The following ITGAM variants were observed in gnomAD, a reference collection of about 807,000 sequenced individuals.
ITGAM encodes the protein integrin alpha-M.
ITGAM carries 79 observed loss-of-function variants against 137.5 expected under a neutral mutation model. That is an observed-to-expected ratio of 0.57 (90% confidence interval 0.48 to 0.69). The LOEUF is 0.69. Among genes scored for constraint, ITGAM ranks in the 30% least tolerant of loss-of-function variants. The probability of loss-of-function intolerance (pLI) is 0.00; values close to 1 mark genes in which losing one functional copy is unlikely to be tolerated. For missense variants in ITGAM, 1,343 were observed against 1,483.5 expected, an observed-to-expected ratio of 0.91 and a Z score of 1.56; for synonymous variants, 583 against 592.3, an observed-to-expected ratio of 0.98 and a Z score of 0.23.
chr16:31,286,202 A>T (rs992764495), intron 12 of ITGAM, among the ~76,000 whole-genome samples: 2 of 151,804 alleles, frequency 1.3e-5, no homozygotes, highest in Non-Finnish European at 2.9e-5. Context: ...ATGGTGGCGT[A>T]GTATTTGATG....
chr16:31,275,026 C>T (rs1340411031), intron 8 of ITGAM, among the ~76,000 whole-genome samples: 1 of 152,098 alleles, frequency 6.6e-6, no homozygotes, highest in Non-Finnish European at 1.5e-5. Flanking sequence ...CAAGGGTGCT[C>T]TGTATACAAT....
At chr16:31,330,968 G>A (rs1430648137) in intron 28 of ITGAM, among the ~76,000 whole-genome samples, 197 bp from the exon 29 acceptor site, 7 of 151,712 alleles carry the variant, frequency 4.6e-5, no homozygotes, top group Admixed American at 4.6e-4. Flanking sequence ...GAGGCAGAAA[G>A]CGATAGAGAG....
At chr16:31,273,562 C>T in intron 8 of ITGAM, 44 bp downstream of exon 8, 1 of 1,587,700 alleles carries the variant, frequency 6.3e-7, no homozygotes, top group Non-Finnish European at 8.6e-7. Context: ...TGGAGGGTTT[C>T]TATGTGGATC....
rs548476788 is a variant in ITGAM, at chr16:31,265,894, C to G, written c.309+13C>G. On this transcript the variant is annotated intron_variant, in intron 4 of 29. Transcript: ENST00000544665. ...CCCTCAGCTGCTGGTGAGTGGGGCT[C>G]GATCAGAGGAGCATCCTAATGGGGG... is the stretch of plus-strand genomic sequence containing the variant. 1.2e-6 allele frequency: 2 copies of G among 1,612,708 alleles called. No individual in the cohort carries two copies. Among genetic ancestry groups the G allele is most frequent in the Admixed American group, 3.3e-5 (2 of 59,986 alleles).
chr16:31,273,545 G>A (rs768503975), intron 8 of ITGAM, 27 bp downstream of exon 8: 10 of 1,610,738 alleles, frequency 6.2e-6, no homozygotes, highest in Non-Finnish European at 7.6e-6. Flanking sequence ...TCAGGTTGAT[G>A]CTTCTGTGGA....
chr16:31,298,614 GC>G (rs1172124497), intron 14 of ITGAM, among the ~76,000 whole-genome samples: 6 of 152,166 alleles, frequency 3.9e-5, no homozygotes, highest in Non-Finnish European at 7.3e-5. Context: ...GCTCTAGTTT[GC>G]TTAACTCTGT....
chr16:31,276,544 C>T, intron 9 of ITGAM, 127 bp from the exon 10 acceptor site: 1 of 655,236 alleles, frequency 1.5e-6, no homozygotes, highest in Non-Finnish European at 2.7e-6. Context: ...GTTCACCAGA[C>T]TGGTCTCTAA....
At chr16:31,260,238 A>C in intron 1 of ITGAM, 146 bp downstream of exon 1, 1 of 658,268 alleles carries the variant, frequency 1.5e-6, no homozygotes, top group Non-Finnish European at 2.6e-6. Flanking sequence ...AAGAAGAAGC[A>C]GGGAGAACAG....
In ITGAM at chr16:31,324,520, C is replaced by T. The variant is rs200549619; in HGVS notation, c.2124C>T (p.Thr708=). Residue 708 remains threonine, a synonymous_variant, in exon 17 of 30, where the codon ACC becomes ACT. Transcript: ENST00000544665. The surrounding 1 kb of genome is among the most constrained non-coding windows in gnomAD (Gnocchi z 4.5). ...TRRQTQVLGL[T]QTCETLKLQL... The stretch of plus-strand genomic sequence containing the variant: ...GACAGACACAGGTCTTGGGGCTGAC[C>T]CAGACTTGTGAGACCCTGAAACTAC... 1.2e-6 allele frequency: 2 copies of T among 1,607,586 alleles called. No individual in the cohort carries two copies. The highest frequency in any genetic ancestry group is 4.5e-5 in the East Asian group (2 of 44,620).
chr16:31,289,499 G>A lies in ITGAM; in HGVS notation c.1357-8015G>A, dbSNP rs561498645. 5.3e-4 allele frequency among the ~76,000 whole-genome samples: 81 copies of A among 152,158 alleles called. 1 individual carries two copies. Among genetic ancestry groups the A allele is most frequent in the African/African-American group, 1.7e-3 (69 of 41,510 alleles). ...AAACCATCATTCTCAGCAAACTATCGCAAGAACAAAAAAACCAAACACTGC... is the reference window on the plus strand; with the variant it reads ...AAACCATCATTCTCAGCAAACTATCACAAGAACAAAAAAACCAAACACTGC... On this transcript the variant is annotated intron_variant, in intron 12 of 29. Transcript: ENST00000544665.
At chr16:31,261,557 G>T in intron 1 of ITGAM, 135 bp from the exon 2 acceptor site, 8 of 481,538 alleles carry the variant, frequency 1.7e-5, no homozygotes, top group South Asian at 3.5e-5. Flanking sequence ...TCTCTCTGTT[G>T]CTCAGGCTGG....
At chr16:31,323,380 C>T (rs934847505) in intron 16 of ITGAM, among the ~76,000 whole-genome samples, 6 of 148,846 alleles carry the variant, frequency 4.0e-5, no homozygotes, top group African/African-American at 1.0e-4. Context: ...GAGCTGAGAT[C>T]GCCCCATTGC....
chr16:31,331,994 C>A lies in ITGAM; in HGVS notation c.*287C>A. On this transcript the variant is annotated 3_prime_UTR_variant, in exon 30 of 30. Transcript: ENST00000544665. Reference sequence around the variant, plus strand: ...GTGTGTGCGTGTGTCCATGTGTGTGCAAGTGTGTGCATGTGTGCGAGTGTG... The same window carrying A: ...GTGTGTGCGTGTGTCCATGTGTGTGAAAGTGTGTGCATGTGTGCGAGTGTG... 2.1e-6 allele frequency: 1 copy of A among 476,058 alleles called. No homozygotes were observed. Among genetic ancestry groups the A allele is most frequent in the Admixed American group, 4.0e-5 (1 of 25,214 alleles). 29.5% of individuals were successfully genotyped at this position (476,058 alleles called of 1,614,324 possible).
rs751143996 is a variant in ITGAM, at chr16:31,275,530, C to T, written c.859-19C>T. The T allele has an allele frequency of 2.4e-5, 38 of 1,612,854 alleles. No individual in the cohort carries two copies. The highest frequency in any genetic ancestry group is 3.2e-5 in the Non-Finnish European group (38 of 1,179,110). ...TGCTAGCCTCACACCATGATTTAGC[C>T]TCTGTTCCTTGGTAACAGGTGGGAG... is the stretch of plus-strand genomic sequence containing the variant. On this transcript the variant is annotated intron_variant, in intron 8 of 29. Coordinates refer to ENST00000544665, the MANE Select transcript of ITGAM (RefSeq NM_000632.4).
In ITGAM at chr16:31,271,971, C is replaced by A; in HGVS notation, c.683C>A (p.Ala228Asp). Residue 228 changes from alanine to aspartate, a missense_variant, in exon 7 of 30, where the codon GCC becomes GAC. Ala to Asp is a moderately radical substitution (Grantham distance 126). Transcript: ENST00000544665. ...ITQLLGRTHT[A>D]TGIRKVVREL... ...CAGCTGCTTGGGCGGACACACACGG[C>A]CACGGGCATCCGCAAAGTGGTGTAA... 6.2e-7 allele frequency: 1 copy of A among 1,614,002 alleles called. No homozygotes were observed. Among genetic ancestry groups the A allele is most frequent in the Non-Finnish European group, 8.5e-7 (1 of 1,179,896 alleles).
Position 31,321,188 on chromosome 16 carries a change from A to G in ITGAM, c.1708-53A>G, listed in dbSNP as rs990211380. 1.1e-5 allele frequency: 18 copies of G among 1,602,790 alleles called. No individual in the cohort carries two copies. The Admixed American group carries it at 2.2e-4, about 19-fold the overall frequency. On this transcript the variant is annotated intron_variant, in intron 14 of 29. Coordinates refer to ENST00000544665, the MANE Select transcript of ITGAM (RefSeq NM_000632.4). Reference sequence around the variant, plus strand: ...GCCATGCTGGATGACTGAGTTATACATCTCCTGTCTTTCCTACCCCTTTCT... The same window carrying G: ...GCCATGCTGGATGACTGAGTTATACGTCTCCTGTCTTTCCTACCCCTTTCT...
intron 12 of ITGAM, among the ~76,000 whole-genome samples, chr16:31,289,794 A>T (rs1193754039): frequency 6.6e-6 from 1 of 152,210 alleles, no homozygotes; most frequent in Non-Finnish European, 1.5e-5. Flanking sequence ...ATATAGAAAT[A>T]CAACTGGCCG....
Position 31,329,273 on chromosome 16 carries a change from T to C in ITGAM, c.2838T>C (p.Asn946=). Residue 946 remains asparagine, a synonymous_variant, in exon 24 of 30, where the codon AAT becomes AAC. Coordinates refer to ENST00000544665, the MANE Select transcript of ITGAM (RefSeq NM_000632.4). ...ATCTCAACTTCACGGCCTCAGAGAA[T>C]ACCAGTCGGGTCATGCAGCATCAAT... ...TKYLNFTASE[N]TSRVMQHQYQ... The C allele has an allele frequency of 6.2e-7, 1 of 1,613,222 alleles. No individual in the cohort carries two copies. The highest frequency in any genetic ancestry group is 8.5e-7 in the Non-Finnish European group (1 of 1,179,372).
intron 14 of ITGAM, among the ~76,000 whole-genome samples, chr16:31,305,774 T>C (rs1235808603): frequency 6.6e-6 from 1 of 152,206 alleles, no homozygotes; most frequent in Non-Finnish European, 1.5e-5. Flanking sequence ...TTTATTGACT[T>C]GCATATATTA....
Sources: allele counts gnomAD v4.1 joint callset (sites outside exome capture counted in the v4.1 genomes callset), GRCh38; gene constraint gnomAD v4.1.1; non-coding constraint Gnocchi (gnomAD v3.1); transcripts MANE v1.5; gene names NCBI Gene and HGNC (gene_info 2026-07-23, HGNC 2026-07-21).